RMDN2: variants seen among roughly 807,000 people sequenced by gnomAD.
RMDN2 encodes regulator of microtubule dynamics protein 2.
Under a neutral mutation model 52.8 loss-of-function variants are expected in RMDN2, and 61 were observed. That is an observed-to-expected ratio of 1.16 (90% confidence interval 0.94 to 1.43). The LOEUF (loss-of-function observed/expected upper bound fraction) is 1.43, where lower values mean the gene tolerates loss of function less well. RMDN2 is among the 40% of genes most tolerant of loss of function. RMDN2 has a pLI of 0.00. For synonymous variants in RMDN2, 180 were observed against 153.1 expected (o/e 1.18, Z -1.30); for missense variants, 592 against 475.3 (o/e 1.25, Z -2.28).
chr2:37,979,203 G>A (rs1672977526), intron 4 of RMDN2, among the ~76,000 whole-genome samples: 1 of 152,086 alleles, frequency 6.6e-6, no homozygotes, highest in Non-Finnish European at 1.5e-5. Flanking sequence ...ATTTTGTCAA[G>A]GAACAGTGTG....
chr2:38,048,330 A>G (rs1681394790), intron 10 of RMDN2, among the ~76,000 whole-genome samples: 1 of 152,242 alleles, frequency 6.6e-6, no homozygotes, highest in Non-Finnish European at 1.5e-5. Flanking sequence ...TATGGGCCCC[A>G]GAAGAACACC....
chr2:37,929,352 G>A lies in RMDN2; in HGVS notation c.75G>A (p.Leu25=), dbSNP rs1413336158. Residue 25 remains leucine (L), a synonymous_variant, in exon 2 of 11, where the codon TTG becomes TTA. Transcript: ENST00000354545. Reference sequence around the variant, plus strand: ...CTGCTGGAATCAGCTTGCTGCTCTTGTGGTACCACAAGGTCCGTAAACCAG... The same window carrying A: ...CTGCTGGAATCAGCTTGCTGCTCTTATGGTACCACAAGGTCCGTAAACCAG... ...VGTAGISLLL[L]WYHKVRKPGI... 1 of 1,551,824 alleles carries A rather than the reference G, an allele frequency of 6.4e-7. No homozygotes were observed. Among genetic ancestry groups the A allele is most frequent in the African/African-American group, 1.4e-5 (1 of 73,026 alleles).
At chr2:37,955,933 G>A (rs898748523) in intron 2 of RMDN2, among the ~76,000 whole-genome samples, 5 of 150,482 alleles carry the variant, frequency 3.3e-5, no homozygotes, top group Admixed American at 2.7e-4. Context: ...CTTCTAATGG[G>A]TTGTTGAATT....
intron 10 of RMDN2, among the ~76,000 whole-genome samples, chr2:38,044,337 T>C (rs1325206165): frequency 6.6e-6 from 1 of 152,084 alleles, no homozygotes; most frequent in Non-Finnish European, 1.5e-5. Context: ...TTCTCCAGTT[T>C]GAATATGATA....
chr2:37,950,510 G>C, intron 2 of RMDN2: 1 of 1,612,776 alleles, frequency 6.2e-7, no homozygotes, highest in Non-Finnish European at 8.5e-7. Flanking sequence ...CACCTCTACA[G>C]GGCATTTTAT....
At chr2:37,982,490 C>G (rs1279568029) in intron 5 of RMDN2, among the ~76,000 whole-genome samples, 1 of 152,088 alleles carries the variant, frequency 6.6e-6, no homozygotes, top group African/African-American at 2.4e-5. Context: ...GCACCCTAAC[C>G]CTGTAGAAAT....
intron 5 of RMDN2, 33 bp from the exon 6 acceptor site, chr2:37,989,508 G>A (rs1472154753): frequency 1.4e-6 from 2 of 1,444,742 alleles, no homozygotes; most frequent in South Asian, 1.2e-5. Flanking sequence ...TTACACAGTG[G>A]CCACTGTTTT....
intron 10 of RMDN2, among the ~76,000 whole-genome samples, chr2:38,047,685 C>G (rs1681356011): frequency 6.6e-6 from 1 of 152,060 alleles, no homozygotes; most frequent in African/African-American, 2.4e-5. Context: ...GCATTCTTTT[C>G]TATGTAAATG....
intron 5 of RMDN2, 57 bp from the exon 6 acceptor site, chr2:37,989,484 A>G: frequency 9.1e-7 from 1 of 1,103,500 alleles, no homozygotes; most frequent in Non-Finnish European, 1.4e-6. Context: ...TTTTGGTGGC[A>G]TTTTGTTAAA....
intron 10 of RMDN2, chr2:38,030,592 A>G (rs1385690153): frequency 6.6e-6 from 1 of 152,242 alleles, no homozygotes; most frequent in African/African-American, 2.4e-5. Context: ...TTTTCTTTTA[A>G]TTGTAAAAAA....
chr2:37,962,643 C>T (rs1356759328), intron 2 of RMDN2, among the ~76,000 whole-genome samples: 1 of 152,130 alleles, frequency 6.6e-6, no homozygotes, highest in African/African-American at 2.4e-5. Flanking sequence ...GGGGTGGGAT[C>T]CCCTGAGCAA....
intron 2 of RMDN2, among the ~76,000 whole-genome samples, chr2:37,937,691 C>G (rs564700090): frequency 6.6e-6 from 1 of 151,298 alleles, no homozygotes. Context: ...TGATTTGACT[C>G]TCTATTATTG....
intron 10 of RMDN2, among the ~76,000 whole-genome samples, chr2:38,035,521 C>T (rs781235488): frequency 3.7e-4 from 56 of 151,914 alleles, no homozygotes; most frequent in Non-Finnish European, 6.6e-4. Flanking sequence ...ACAATACCTA[C>T]CAGATAAGAA....
downstream of RMDN2, among the ~76,000 whole-genome samples, chr2:38,017,993 G>A (rs915038147): frequency 2.0e-5 from 3 of 152,300 alleles, no homozygotes; most frequent in South Asian, 4.1e-4. Flanking sequence ...GGATGAGCCC[G>A]GAGAAGGAAT....
At chr2:37,997,363 T>C (rs1343672672) in intron 7 of RMDN2, 53 bp from the exon 8 acceptor site, 2 of 1,073,698 alleles carry the variant, frequency 1.9e-6, no homozygotes, top group Non-Finnish European at 2.9e-6. Context: ...GGAGAGATAA[T>C]CCATTCAAAA....
chr2:38,028,150 T>A (rs1400618155), intron 10 of RMDN2: 2 of 149,172 alleles, frequency 1.3e-5, no homozygotes, highest in Non-Finnish European at 3.0e-5. Flanking sequence ...TGATCCAAAT[T>A]TCAGGGACCC....
intron 4 of RMDN2, among the ~76,000 whole-genome samples, chr2:37,978,076 C>A (rs559647285): frequency 6.6e-6 from 1 of 152,140 alleles, no homozygotes; most frequent in Admixed American, 6.5e-5. Flanking sequence ...CCCGACACCT[C>A]GGGAGGCCGA....
intron 2 of RMDN2, among the ~76,000 whole-genome samples, chr2:37,959,137 GTT>G (rs1396496231): frequency 6.6e-6 from 1 of 151,004 alleles, no homozygotes; most frequent in African/African-American, 2.5e-5. Flanking sequence ...TCTCTGCCAG[GTT>G]TTGGTATCAG....
downstream of RMDN2, among the ~76,000 whole-genome samples, chr2:38,018,283 G>A (rs775511638): frequency 6.6e-5 from 10 of 152,164 alleles, no homozygotes; most frequent in Non-Finnish European, 8.8e-5. Flanking sequence ...CACGGTTAGT[G>A]AGAGAATATT....
Sources: allele counts gnomAD v4.1 joint callset (sites outside exome capture counted in the v4.1 genomes callset), GRCh38; gene constraint gnomAD v4.1.1; transcripts MANE v1.5; gene names NCBI Gene and HGNC (gene_info 2026-07-23, HGNC 2026-07-21).